FAM220A: variants seen among roughly 807,000 people sequenced by gnomAD.
FAM220A encodes the protein protein FAM220A.
For missense variants in FAM220A, 392 were observed against 321.6 expected (o/e 1.22, Z -1.68); for synonymous variants, 141 against 130.7 (o/e 1.08, Z -0.54).
At chr7:6,331,528 C>G (rs922689757) in intron 1 of FAM220A, among the ~76,000 whole-genome samples, 5 of 151,788 alleles carry the variant, frequency 3.3e-5, no homozygotes, top group African/African-American at 1.2e-4. Context: ...CGACCAGTTG[C>G]ATGCCACCAA....
intron 1 of FAM220A, among the ~76,000 whole-genome samples, chr7:6,347,515 G>A (rs1292339085): frequency 1.0e-4 from 14 of 138,212 alleles, no homozygotes; most frequent in South Asian, 7.1e-4. Context: ...CTCTGTCTCA[G>A]GGAAAAAAAA....
intron 1 of FAM220A, among the ~76,000 whole-genome samples, chr7:6,343,733 T>C (rs1397430601): frequency 6.6e-6 from 1 of 152,064 alleles, no homozygotes; most frequent in Non-Finnish European, 1.5e-5. Context: ...TTTAATCATC[T>C]TTCATCCTAA....
At chr7:6,340,081 C>T (rs986793241) in intron 1 of FAM220A, among the ~76,000 whole-genome samples, 5 of 151,898 alleles carry the variant, frequency 3.3e-5, no homozygotes, top group Non-Finnish European at 7.4e-5. Flanking sequence ...GATGGGGTTT[C>T]TCCATGTTGA....
rs1280575837 is a variant in FAM220A, at chr7:6,348,914, C to A, written c.-423G>T. On this transcript the variant is annotated 5_prime_UTR_variant, in exon 1 of 2. Coordinates refer to ENST00000313324, the MANE Select transcript of FAM220A (RefSeq NM_001037163.2). ...AGTGGAGCGGAGTCCGCACGTCACG[C>A]TCGGAGAAGTGCCTCCGCGAGCAGC... The A allele has an allele frequency of 2.6e-6, 1 of 385,578 alleles. No individual in the cohort carries two copies. 23.9% of individuals were successfully genotyped at this position (385,578 alleles called of 1,614,324 possible). A position where few individuals can be genotyped will look rare whatever the true frequency, so the allele number is the denominator to read the frequency against.
chr7:6,340,848 G>T (rs1212977430), intron 1 of FAM220A, among the ~76,000 whole-genome samples: 1 of 142,986 alleles, frequency 7.0e-6, no homozygotes, highest in Non-Finnish European at 1.5e-5. Flanking sequence ...GCAGTGAGCC[G>T]AGATGGCGCC....
chr7:6,345,887 G>C (rs1406385913), intron 1 of FAM220A, among the ~76,000 whole-genome samples: 1 of 151,960 alleles, frequency 6.6e-6, no homozygotes, highest in African/African-American at 2.4e-5. Context: ...TCCTGCCTCA[G>C]CCTACCATGT....
chr7:6,329,587 A>G lies in FAM220A; in HGVS notation c.*788T>C, dbSNP rs748667176. Reference sequence around the variant, plus strand: ...AGTCTTTAAAAACTTATGTCCTTAAATGACCTTTATTAAAGTTATCAACAG... The same window carrying G: ...AGTCTTTAAAAACTTATGTCCTTAAGTGACCTTTATTAAAGTTATCAACAG... On this transcript the variant is annotated 3_prime_UTR_variant, in exon 2 of 2. Coordinates refer to ENST00000313324, the MANE Select transcript of FAM220A (RefSeq NM_001037163.2). 2.6e-5 allele frequency: 4 copies of G among 156,740 alleles called. No homozygotes were observed. Among genetic ancestry groups the G allele is most frequent in the Non-Finnish European group, 4.4e-5 (3 of 68,072 alleles). The allele number at this position is 156,740 out of a possible 1,614,324, so 9.7% of individuals were successfully genotyped here. A position where few individuals can be genotyped will look rare whatever the true frequency, so the allele number is the denominator to read the frequency against.
chr7:6,332,310 T>C (rs909511016), intron 1 of FAM220A, among the ~76,000 whole-genome samples: 1 of 151,868 alleles, frequency 6.6e-6, no homozygotes, highest in Non-Finnish European at 1.5e-5. Flanking sequence ...CCAAAGAAAA[T>C]AGTCTAATTA....
intron 1 of FAM220A, among the ~76,000 whole-genome samples, chr7:6,339,607 C>T (rs959426856): frequency 7.2e-5 from 11 of 151,840 alleles, no homozygotes; most frequent in South Asian, 2.1e-4. Context: ...CCTCAGCCTC[C>T]GGAGTAGCTG....
chr7:6,330,274 G>C lies in FAM220A; in HGVS notation c.*101C>G. 1 of 1,155,100 alleles carries C rather than the reference G, an allele frequency of 8.7e-7. No individual in the cohort carries two copies. Among genetic ancestry groups the C allele is most frequent in the Non-Finnish European group, 1.2e-6 (1 of 818,724 alleles). 71.6% of individuals were successfully genotyped at this position (1,155,100 alleles called of 1,614,324 possible). On this transcript the variant is annotated 3_prime_UTR_variant, in exon 2 of 2. Transcript: ENST00000313324. Reference sequence around the variant, plus strand: ...TGCCAGGTCGTACAAAACTACAGCAGGAACCTAAGGGCTGCACAGTTTGCA... The same window carrying C: ...TGCCAGGTCGTACAAAACTACAGCACGAACCTAAGGGCTGCACAGTTTGCA...
intron 1 of FAM220A, among the ~76,000 whole-genome samples, chr7:6,342,198 CTTTT>C: frequency 6.6e-6 from 1 of 151,800 alleles, no homozygotes; most frequent in East Asian, 1.9e-4. Context: ...TTTTTTCTTT[CTTTT>C]TCTTTGTTTC....
chr7:6,348,562 G>C lies in FAM220A; in HGVS notation c.-82+11C>G, dbSNP rs920487709. 4 of 432,680 alleles carry C rather than the reference G, an allele frequency of 9.2e-6. No individual in the cohort carries two copies. Among genetic ancestry groups the C allele is most frequent in the South Asian group, 5.3e-5 (1 of 18,900 alleles). 26.8% of individuals were successfully genotyped at this position (432,680 alleles called of 1,614,324 possible). A position where few individuals can be genotyped will look rare whatever the true frequency, so the allele number is the denominator to read the frequency against. ...GGAGGGCCGGGGGCCGGGCAGGCAC[G>C]GCTCACCCACCTGCAGGCGGACGTT... On this transcript the variant is annotated intron_variant, in intron 1 of 1. Transcript: ENST00000313324.
chr7:6,339,031 A>G (rs1046691853), intron 1 of FAM220A, among the ~76,000 whole-genome samples: 1 of 152,218 alleles, frequency 6.6e-6, no homozygotes, highest in Non-Finnish European at 1.5e-5. Flanking sequence ...TGGAGGTAGC[A>G]GAAACAAACC....
At chr7:6,340,553 C>T (rs1781831777) in intron 1 of FAM220A, among the ~76,000 whole-genome samples, 1 of 151,960 alleles carries the variant, frequency 6.6e-6, no homozygotes, top group Non-Finnish European at 1.5e-5. Flanking sequence ...CCCAACATTG[C>T]CAGGGAGGGA....
chr7:6,336,360 G>C (rs989099082), intron 1 of FAM220A, among the ~76,000 whole-genome samples: 4 of 150,724 alleles, frequency 2.7e-5, no homozygotes, highest in Admixed American at 2.6e-4. Flanking sequence ...AAAAAGAAAA[G>C]AAAAAACTGT....
At chr7:6,341,511 T>C (rs903404349) in intron 1 of FAM220A, among the ~76,000 whole-genome samples, 3 of 149,492 alleles carry the variant, frequency 2.0e-5, no homozygotes, top group Middle Eastern at 6.5e-3. Context: ...GGTGAAACCC[T>C]GCCTCTACTA....
chr7:6,332,404 A>G (rs2115127930), intron 1 of FAM220A, among the ~76,000 whole-genome samples: 1 of 152,308 alleles, frequency 6.6e-6, no homozygotes, highest in East Asian at 1.9e-4. Flanking sequence ...ATCTATCTGT[A>G]AACTCACTTT....
rs1383449512 is a variant in FAM220A at position 6,329,929 on chromosome 7, G to C, written c.*446C>G. On this transcript the variant is annotated 3_prime_UTR_variant, in exon 2 of 2. Coordinates refer to ENST00000313324, the MANE Select transcript of FAM220A (RefSeq NM_001037163.2). ...AAATCATTCTACAAAATGTAGACAT[G>C]GTAACAGCTTACCACGAATTCAGCA... 1 of 172,940 alleles carries C rather than the reference G, an allele frequency of 5.8e-6. No individual in the cohort carries two copies. Among genetic ancestry groups the C allele is most frequent in the African/African-American group, 2.4e-5 (1 of 41,492 alleles). The allele number at this position is 172,940 out of a possible 1,614,324, so 10.7% of individuals were successfully genotyped here. A position where few individuals can be genotyped will look rare whatever the true frequency, so the allele number is the denominator to read the frequency against.
intron 1 of FAM220A, among the ~76,000 whole-genome samples, chr7:6,339,630 C>T (rs1466610686): frequency 2.0e-5 from 3 of 150,878 alleles, no homozygotes; most frequent in Non-Finnish European, 4.4e-5. Context: ...ACTACAGGCG[C>T]CCGCCACCAC....
Sources: allele counts gnomAD v4.1 joint callset (sites outside exome capture counted in the v4.1 genomes callset), GRCh38; gene constraint gnomAD v4.1.1; transcripts MANE v1.5; gene names NCBI Gene and HGNC (gene_info 2026-07-23, HGNC 2026-07-21).